The following CHODL variants were observed in gnomAD, a reference collection of about 807,000 sequenced individuals.
CHODL encodes transmembrane protein MT75.
CHODL carries 29 observed loss-of-function variants against 34.5 expected under a neutral mutation model. The ratio of observed to expected loss-of-function variants is 0.84; its 90% CI spans 0.63 to 1.15. The LOEUF (loss-of-function observed/expected upper bound fraction) is 1.15, where lower values mean the gene tolerates loss of function less well. Ranked by LOEUF, CHODL falls within the 50% of genes most tolerant of loss-of-function variation. The pLI, the probability that CHODL is intolerant of heterozygous loss-of-function variation, is 0.00. For missense variants in CHODL, 332 were observed against 332.5 expected (o/e 1.00, Z 0.01); for synonymous variants, 125 against 116.1 (o/e 1.08, Z -0.49).
At chr21:17,968,253 C>G (rs1195394991) in intron 1 of CHODL, among the ~76,000 whole-genome samples, 4 of 152,176 alleles carry the variant, frequency 2.6e-5, no homozygotes, top group African/African-American at 9.6e-5. Flanking sequence ...TTTCCTGTTA[C>G]TAAAAGCCAG....
Position 18,245,165 on chromosome 21 carries a change from C to A in CHODL, c.-59C>A. ...GCTGCAGAGTCAGAGTCGCGGGCTG[C>A]GCCCTGGGCAGAGGCCGCCCTCGCT... is the stretch of plus-strand genomic sequence containing the variant. On this transcript the variant is annotated 5_prime_UTR_variant, in exon 1 of 6. Coordinates refer to ENST00000299295, the MANE Select transcript of CHODL (RefSeq NM_024944.3). 7.8e-7 allele frequency: 1 copy of A among 1,283,844 alleles called. No individual in the cohort carries two copies. Among genetic ancestry groups the A allele is most frequent in the Admixed American group, 2.4e-5 (1 of 41,088 alleles). 79.5% of individuals were successfully genotyped at this position (1,283,844 alleles called of 1,614,324 possible). A position where few individuals can be genotyped will look rare whatever the true frequency, so the allele number is the denominator to read the frequency against.
chr21:18,106,475 C>A (rs2065273294), intron 2 of CHODL, among the ~76,000 whole-genome samples: 1 of 144,492 alleles, frequency 6.9e-6, no homozygotes, highest in African/African-American at 2.8e-5. Flanking sequence ...CTAGATCTTT[C>A]TTTTTTCTTT....
intron 2 of CHODL, among the ~76,000 whole-genome samples, chr21:18,225,697 A>G (rs1380038716): frequency 6.6e-6 from 1 of 152,112 alleles, no homozygotes. Context: ...TTTTTCTTAC[A>G]TATGCTTATA....
At chr21:18,105,886 C>T (rs909609033) in intron 2 of CHODL, among the ~76,000 whole-genome samples, 6 of 152,164 alleles carry the variant, frequency 3.9e-5, no homozygotes, top group Admixed American at 3.9e-4. Flanking sequence ...TGGAAAATCA[C>T]TTCTGTGTCT....
At chr21:17,931,573 C>T (rs2063273935) in intron 1 of CHODL, among the ~76,000 whole-genome samples, 1 of 152,088 alleles carries the variant, frequency 6.6e-6, no homozygotes, top group Non-Finnish European at 1.5e-5. Context: ...TCTGAAATTA[C>T]AGATAAATAA....
intron 2 of CHODL, among the ~76,000 whole-genome samples, chr21:18,216,247 A>G (rs1049734899): frequency 1.3e-5 from 2 of 152,144 alleles, no homozygotes; most frequent in Non-Finnish European, 2.9e-5. Flanking sequence ...TGGAATATCC[A>G]TTACTTCAAA....
intron 2 of CHODL, among the ~76,000 whole-genome samples, chr21:18,194,086 G>A (rs373066767): frequency 6.7e-6 from 1 of 150,124 alleles, no homozygotes; most frequent in Non-Finnish European, 1.5e-5. Context: ...AAAACACAAC[G>A]ATCTTTTGCC....
intron 1 of CHODL, among the ~76,000 whole-genome samples, chr21:17,975,716 C>G (rs1370846855): frequency 2.0e-5 from 3 of 152,128 alleles, no homozygotes; most frequent in East Asian, 3.9e-4. Flanking sequence ...GACTGCTGTC[C>G]TCTTAAATGT....
chr21:18,121,111 C>T (rs1170237069), intron 2 of CHODL, among the ~76,000 whole-genome samples: 2 of 152,090 alleles, frequency 1.3e-5, no homozygotes, highest in Non-Finnish European at 2.9e-5. Context: ...TCAAGTTCCT[C>T]AGGGCTTCTC....
intron 2 of CHODL, among the ~76,000 whole-genome samples, chr21:18,158,244 C>T (rs1157123150): frequency 6.6e-6 from 1 of 152,010 alleles, no homozygotes; most frequent in African/African-American, 2.4e-5. Context: ...CATTTTTTCT[C>T]TTTCAATCTT....
At chr21:18,110,345 C>T (rs1414524816) in intron 2 of CHODL, among the ~76,000 whole-genome samples, 5 of 152,148 alleles carry the variant, frequency 3.3e-5, no homozygotes, top group African/African-American at 1.2e-4. Context: ...ACTTTTCCTT[C>T]TCCTTGATTC....
intron 2 of CHODL, among the ~76,000 whole-genome samples, chr21:18,182,862 G>C (rs1045324027): frequency 6.6e-6 from 1 of 152,168 alleles, no homozygotes; most frequent in Admixed American, 6.5e-5. Flanking sequence ...AGTATTCTGG[G>C]TGCTGCTGCC....
intron 2 of CHODL, among the ~76,000 whole-genome samples, chr21:18,208,727 A>C (rs1408754007): frequency 6.6e-6 from 1 of 152,202 alleles, no homozygotes; most frequent in East Asian, 1.9e-4. Flanking sequence ...CCCCAAGCCC[A>C]GTAATGACAT....
chr21:18,062,846 C>T (rs921874552), intron 2 of CHODL, among the ~76,000 whole-genome samples: 2 of 151,900 alleles, frequency 1.3e-5, no homozygotes, highest in Non-Finnish European at 2.9e-5. Flanking sequence ...GGGAAAACTA[C>T]ACTGTAAAAG....
chr21:17,959,463 A>G (rs1349258617), intron 1 of CHODL, among the ~76,000 whole-genome samples: 1 of 152,228 alleles, frequency 6.6e-6, no homozygotes, highest in Non-Finnish European at 1.5e-5. Context: ...AGATCTGGAA[A>G]TTCTATACTC....
intron 2 of CHODL, among the ~76,000 whole-genome samples, chr21:18,217,471 C>T (rs2146732959): frequency 1.3e-5 from 2 of 152,060 alleles, no homozygotes; most frequent in South Asian, 4.2e-4. Flanking sequence ...ATTATGAGAA[C>T]AGCAGCATGA....
At chr21:18,096,381 C>T (rs755541947) in intron 2 of CHODL, among the ~76,000 whole-genome samples, 8 of 152,114 alleles carry the variant, frequency 5.3e-5, no homozygotes, top group Admixed American at 1.3e-4. Flanking sequence ...TGACTGCCTG[C>T]GGGGCCGGGC....
intron 1 of CHODL, among the ~76,000 whole-genome samples, chr21:18,010,169 G>GT (rs2064002499): frequency 7.3e-6 from 1 of 137,390 alleles, no homozygotes; most frequent in South Asian, 2.4e-4. Context: ...GTGGTGGCGG[G>GT]CCCTGTAGTC....
Position 18,266,031 on chromosome 21 carries a change from A to G in CHODL, c.815A>G (p.Glu272Gly). The change falls in exon 6 of 6, where the codon GAA becomes GGA. Residue 272 changes from glutamate (E) to glycine (G), a missense_variant. Glu to Gly is a moderately conservative substitution (Grantham distance 98, BLOSUM62 -2). Transcript: ENST00000299295. ...AGTACCAGAAAAGAAAGTGGCATGG[A>G]AGTATAATAACTCATTGACTTGGTT... ...SKSTRKESGMEV is the reference protein window; with the variant it reads ...SKSTRKESGMGV 1 of 1,613,652 alleles carries G rather than the reference A, an allele frequency of 6.2e-7. No individual in the cohort carries two copies. Among genetic ancestry groups the G allele is most frequent in the Non-Finnish European group, 8.5e-7 (1 of 1,179,660 alleles).
Sources: allele counts gnomAD v4.1 joint callset (sites outside exome capture counted in the v4.1 genomes callset), GRCh38; gene constraint gnomAD v4.1.1; transcripts MANE v1.5; gene names NCBI Gene and HGNC (gene_info 2026-07-23, HGNC 2026-07-21).